Variants in ATIC observed in about 807,000 individuals in gnomAD.
ATIC encodes 5-aminoimidazole-4-carboxamide ribonucleotide formyltransferase/IMP cyclohydrolase, also known as bifunctional purine biosynthesis protein ATIC.
A neutral mutation model predicts 72.5 loss-of-function variants in ATIC; 64 were observed. That is an observed-to-expected ratio of 0.88 (90% confidence interval 0.72 to 1.09). ATIC has a LOEUF of 1.09. Ranked by LOEUF, ATIC falls within the 50% of genes least tolerant of loss-of-function variation. The probability of loss-of-function intolerance (pLI) is 0.00; values close to 1 mark genes in which losing one functional copy is unlikely to be tolerated. For missense variants in ATIC, 787 were observed against 732.4 expected (o/e 1.07, Z -0.86); for synonymous variants, 281 against 267.1 (o/e 1.05, Z -0.51).
chr2:215,348,580 C>CT, intron 14 of ATIC: 1 of 370,978 alleles, frequency 2.7e-6, no homozygotes, highest in East Asian at 1.1e-4. Flanking sequence ...CTTAGAATCA[C>CT]TTTTTTTCCT....
At chr2:215,329,637 G>A (rs1331040693) in intron 7 of ATIC, among the ~76,000 whole-genome samples, 1 of 152,190 alleles carries the variant, frequency 6.6e-6, no homozygotes. Context: ...GTTTGCTTAT[G>A]ATTGGAAAGA....
chr2:215,332,131 CGTGTGT>C (rs71044585), intron 7 of ATIC, among the ~76,000 whole-genome samples: 3,049 of 142,198 alleles, frequency 0.021, 70 homozygotes, highest in African/African-American at 0.056. Flanking sequence ...GTCCTCCAGT[CGTGTGT>C]GTGTGTGTGT....
In ATIC at chr2:215,318,138, C is replaced by T. The variant is rs375380564; in HGVS notation, c.147-19C>T. On this transcript the variant is annotated intron_variant, in intron 2 of 15. Coordinates refer to ENST00000236959, the MANE Select transcript of ATIC (RefSeq NM_004044.7). ...ATTCAGCCACACCAGTAGTACCATTCTGTTTATCTGTTTTTCAGAGATGTC... is the reference window on the plus strand; with the variant it reads ...ATTCAGCCACACCAGTAGTACCATTTTGTTTATCTGTTTTTCAGAGATGTC... 7.5e-6 allele frequency: 12 copies of T among 1,606,288 alleles called. No homozygotes were observed. The highest frequency in any genetic ancestry group is 9.4e-6 in the Non-Finnish European group (11 of 1,172,970).
intron 2 of ATIC, among the ~76,000 whole-genome samples, chr2:215,313,453 A>G (rs1047024247): frequency 6.6e-6 from 1 of 152,228 alleles, no homozygotes; most frequent in African/African-American, 2.4e-5. Flanking sequence ...TGCTGATGTC[A>G]AGGAGTGGCA....
intron 3 of ATIC, among the ~76,000 whole-genome samples, chr2:215,318,900 A>T (rs1210463878): frequency 6.6e-6 from 1 of 150,674 alleles, no homozygotes; most frequent in East Asian, 1.9e-4. Context: ...TTTTTTTGAG[A>T]CAGGATTATA....
At position 215,342,101 on chromosome 2, in the gene ATIC, G is replaced by A. The variant is rs76079014; in HGVS notation, c.1228-2678G>A. On this transcript the variant is annotated intron_variant, in intron 12 of 15. Transcript: ENST00000236959. ...GATCCAGTTACCTCCACCTAGTCCT[G>A]CCTGTTGACACATGGGGATTATTAT... Among the ~76,000 whole-genome samples, 541 of 152,186 alleles carry A rather than the reference G, an allele frequency of 3.6e-3. 13 individuals carry two copies. In the East Asian group the frequency reaches 0.067, roughly 19 times the overall value.
In ATIC at chr2:215,326,068, T is replaced by C. The variant is rs145011610; in HGVS notation, c.461T>C (p.Val154Ala). The C allele has an allele frequency of 2.3e-4, 365 of 1,614,146 alleles. 1 individual carries two copies. The highest frequency in any genetic ancestry group is 9.3e-4 in the African/African-American group (70 of 75,040). ...VVCEPEDYVV[V>A]STEMQSSESK... ...TGTGAACCAGAGGACTATGTGGTGG[T>C]GTCCACGGAGATGCAGAGCTCCGAG... Residue 154 changes from valine (V) to alanine (A), a missense_variant, in exon 6 of 16, where the codon GTG becomes GCG. Transcript: ENST00000236959.
At chr2:215,351,961 A>G (rs978684596), downstream of ATIC, among the ~76,000 whole-genome samples, 3 of 152,186 alleles carry the variant, frequency 2.0e-5, no homozygotes, top group Admixed American at 1.3e-4. Context: ...CAGCTTAATC[A>G]TGAGAAAAAC....
the ATIC span, chr2:215,360,927 A>G: frequency 6.5e-6 from 1 of 153,674 alleles, no homozygotes; most frequent in South Asian, 2.1e-4. Flanking sequence ...TGGCACATAC[A>G]GTATAAAAAA....
chr2:215,364,784 G>T, the ATIC span: 2 of 806,464 alleles, frequency 2.5e-6, no homozygotes, highest in Non-Finnish European at 4.2e-6. Context: ...TACTTCCGAA[G>T]GGTCTCTGCC....
At chr2:215,346,287 G>A (rs1312757765) in intron 13 of ATIC, among the ~76,000 whole-genome samples, 3 of 152,060 alleles carry the variant, frequency 2.0e-5, no homozygotes, top group Non-Finnish European at 4.4e-5. Flanking sequence ...TCAGCCTCCT[G>A]AGTAGCTGGG....
intron 14 of ATIC, chr2:215,347,591 C>G (rs2053085260): frequency 2.0e-6 from 1 of 490,096 alleles, no homozygotes; most frequent in Non-Finnish European, 4.1e-6. Context: ...TTCTGAAGAG[C>G]CAATTGACTA....
At chr2:215,355,770 G>A in the ATIC span, among the ~76,000 whole-genome samples, 1 of 152,236 alleles carries the variant, frequency 6.6e-6, no homozygotes, top group African/African-American at 2.4e-5. Context: ...TCAAGAAGGA[G>A]ATTTTGCTAG....
the ATIC span, among the ~76,000 whole-genome samples, chr2:215,366,401 G>C: frequency 7.9e-5 from 12 of 152,158 alleles, no homozygotes; most frequent in African/African-American, 2.9e-4. Context: ...AGGATCAGCT[G>C]ATCTCTACAC....
chr2:215,330,555 T>C (rs1422124700), intron 7 of ATIC, among the ~76,000 whole-genome samples: 4 of 152,154 alleles, frequency 2.6e-5, no homozygotes, highest in Non-Finnish European at 5.9e-5. Flanking sequence ...TGTTGTACAT[T>C]CTGTGTATTT....
chr2:215,343,194 G>T (rs1464128706), intron 12 of ATIC, among the ~76,000 whole-genome samples: 2 of 151,316 alleles, frequency 1.3e-5, no homozygotes, highest in Non-Finnish European at 2.9e-5. Flanking sequence ...TAGTTGTGTA[G>T]CAATCTCTCA....
chr2:215,331,381 G>GTTT (rs66928848), intron 7 of ATIC, among the ~76,000 whole-genome samples: 39 of 117,470 alleles, frequency 3.3e-4, no homozygotes, highest in East Asian at 9.1e-4. Flanking sequence ...TGTTTTTTGG[G>GTTT]TTTTTTTTTT....
chr2:215,348,617 AAG>A (rs2053096078), intron 14 of ATIC: 1 of 411,662 alleles, frequency 2.4e-6, no homozygotes, highest in Non-Finnish European at 4.7e-6. Context: ...AAAAGCATCA[AAG>A]AGATTCTAGA....
chr2:215,316,837 A>G (rs763709621), intron 2 of ATIC, among the ~76,000 whole-genome samples: 1 of 152,130 alleles, frequency 6.6e-6, no homozygotes, highest in African/African-American at 2.4e-5. Context: ...ATCTTGGCTC[A>G]CTGCAACCTC....
Sources: gnomAD v4.1 joint callset for allele counts (sites outside exome capture counted in the v4.1 genomes callset) on GRCh38, gnomAD v4.1.1 for gene constraint, MANE v1.5 for transcripts, NCBI Gene and HGNC (gene_info 2026-07-23, HGNC 2026-07-21) for gene names.